Variants in KDM6A observed in about 807,000 individuals in gnomAD.
KDM6A encodes the protein lysine-specific demethylase 6A.
Under a neutral mutation model 117.6 loss-of-function variants are expected in KDM6A, and 11 were observed. The ratio of observed to expected loss-of-function variants is 0.09; its 90% CI spans 0.06 to 0.15. The LOEUF is 0.15. KDM6A is among the 10% of genes least tolerant of loss of function. The pLI is 1.00. For synonymous variants in KDM6A, 384 were observed against 396.1 expected (o/e 0.97, Z 0.36); for missense variants, 799 against 1,077.3 (o/e 0.74, Z 3.62).
At chrX:44,994,474 G>A (rs1267431388) in intron 4 of KDM6A, among the ~76,000 whole-genome samples, 2 of 112,014 alleles carry the variant, frequency 1.8e-5, no homozygotes, top group Non-Finnish European at 3.8e-5. Context: ...ATTTCAAGGT[G>A]TATATATACC....
chrX:44,919,520 A>G (rs1330589558), intron 2 of KDM6A, among the ~76,000 whole-genome samples: 3 of 111,117 alleles, frequency 2.7e-5, no homozygotes, highest in Non-Finnish European at 1.9e-5. Context: ...TAATACATAC[A>G]TTATTTGGGA....
intron 2 of KDM6A, among the ~76,000 whole-genome samples, chrX:44,949,487 T>TAA (rs1556001824): frequency 0.065 from 7,251 of 111,058 alleles, 574 homozygotes; most frequent in African/African-American, 0.22. Flanking sequence ...TTTTTTTTTT[T>TAA]TAAAGCACTT....
intron 2 of KDM6A, among the ~76,000 whole-genome samples, chrX:44,879,742 A>G (rs140202983): frequency 0.015 from 1,691 of 112,302 alleles, 20 homozygotes; most frequent in Middle Eastern, 0.065. Flanking sequence ...GAGAAAGGTA[A>G]ATTTAACAAT....
chrX:45,094,434 C>G (rs2046016915), intron 27 of KDM6A, among the ~76,000 whole-genome samples: 1 of 111,477 alleles, frequency 9.0e-6, no homozygotes, highest in Non-Finnish European at 1.9e-5. Flanking sequence ...AGCTTAAAAC[C>G]AAACTCTTGC....
chrX:44,922,876 T>G (rs2146899437), intron 2 of KDM6A, among the ~76,000 whole-genome samples: 1 of 111,015 alleles, frequency 9.0e-6, no homozygotes, highest in African/African-American at 3.4e-5. Context: ...TTTTATGCCT[T>G]TATGTAGATT....
Position 45,063,487 on chromosome X carries a change from A to C in KDM6A, c.1749A>C (p.Ser583=). The change falls in exon 17 of 30, where the codon TCA becomes TCC. Residue 583 remains serine (S), a synonymous_variant. Transcript: ENST00000611820. Reference sequence around the variant, plus strand: ...TTCCTAATGGGCCAACAGCTGACTCATCACTGCCTACAAACTCAGTCTCTG... The same window carrying C: ...TTCCTAATGGGCCAACAGCTGACTCCTCACTGCCTACAAACTCAGTCTCTG... ...TGIPNGPTAD[S]SLPTNSVSGQ... is the part of the protein sequence containing the mutation. The C allele has an allele frequency of 8.3e-7, 1 of 1,210,066 alleles. No homozygotes were observed. The highest frequency in any genetic ancestry group is 1.1e-6 in the Non-Finnish European group (1 of 894,716).
chrX:45,061,248 C>T (rs2147973069), intron 14 of KDM6A, 76 bp from the exon 15 acceptor site: 1 of 540,528 alleles, frequency 1.9e-6, no homozygotes, highest in South Asian at 2.9e-5. Flanking sequence ...GTCATTTGGC[C>T]TCCTCTAACC....
intron 17 of KDM6A, among the ~76,000 whole-genome samples, chrX:45,066,336 C>T (rs1394553787): frequency 1.8e-5 from 2 of 112,027 alleles, no homozygotes; most frequent in Non-Finnish European, 3.8e-5. Context: ...CTTCCATTTC[C>T]ATATACCGTG....
intron 25 of KDM6A, 128 bp downstream of exon 25, chrX:45,086,107 A>C: frequency 4.2e-6 from 2 of 471,670 alleles, no homozygotes; most frequent in East Asian, 7.7e-5. Context: ...CGAAGAATTC[A>C]TTTTAAATTA....
intron 8 of KDM6A, among the ~76,000 whole-genome samples, chrX:45,045,190 A>G (rs930934853): frequency 1.8e-5 from 2 of 111,293 alleles, no homozygotes; most frequent in Non-Finnish European, 3.8e-5. Context: ...CATCATCTCA[A>G]AGTATCCATT....
chrX:45,055,396 T>C (rs1431482796), intron 10 of KDM6A, among the ~76,000 whole-genome samples: 1 of 110,991 alleles, frequency 9.0e-6, no homozygotes, highest in East Asian at 2.8e-4. Flanking sequence ...TTTAAAAACA[T>C]TTGATTAACT....
intron 5 of KDM6A, among the ~76,000 whole-genome samples, chrX:45,016,453 T>TATGTATG (rs2041964203): frequency 5.1e-5 from 5 of 98,738 alleles, no homozygotes; most frequent in African/African-American, 2.0e-4. Context: ...TGATTTTATT[T>TATGTATG]TATGTATGTA....
intron 4 of KDM6A, among the ~76,000 whole-genome samples, chrX:44,988,344 C>G (rs1306311141): frequency 9.0e-6 from 1 of 110,619 alleles, no homozygotes; most frequent in East Asian, 2.8e-4. Flanking sequence ...ACTTCTTTGC[C>G]AGGGGTTCGA....
intron 4 of KDM6A, among the ~76,000 whole-genome samples, chrX:44,991,339 TTCTC>T (rs1243791803): frequency 9.1e-6 from 1 of 110,052 alleles, no homozygotes; most frequent in African/African-American, 3.3e-5. Flanking sequence ...CTCTCTCTCT[TTCTC>T]TCTTTCTCTT....
At chrX:45,067,666 T>TTC (rs1373317382) in intron 17 of KDM6A, among the ~76,000 whole-genome samples, 13 of 100,801 alleles carry the variant, frequency 1.3e-4, no homozygotes, top group African/African-American at 5.1e-4. Flanking sequence ...TTTTTTTTTT[T>TTC]TTTTGAGATG....
chrX:45,006,858 G>A (rs1159838298), intron 4 of KDM6A, among the ~76,000 whole-genome samples: 10 of 108,458 alleles, frequency 9.2e-5, no homozygotes, highest in African/African-American at 3.4e-4. Context: ...TTGAACCCCG[G>A]AGGTGGAGGT....
chrX:45,011,129 T>G, intron 5 of KDM6A, 110 bp downstream of exon 5: 3 of 565,463 alleles, frequency 5.3e-6, no homozygotes, highest in Non-Finnish European at 8.9e-6. Flanking sequence ...GAAAATTTAG[T>G]GTCATTAAAC....
chrX:44,971,250 A>G (rs1172056209), intron 3 of KDM6A, among the ~76,000 whole-genome samples: 3 of 111,822 alleles, frequency 2.7e-5, no homozygotes, highest in African/African-American at 9.8e-5. Flanking sequence ...GAAATGGGAG[A>G]TGGCTTAAAA....
intron 10 of KDM6A, among the ~76,000 whole-genome samples, chrX:45,058,509 AT>A (rs922516028): frequency 1.8e-5 from 2 of 110,669 alleles, no homozygotes; most frequent in African/African-American, 6.6e-5. Flanking sequence ...TTACATGTGC[AT>A]TTTTTTTATG....
Sources: allele counts gnomAD v4.1 joint callset (sites outside exome capture counted in the v4.1 genomes callset), GRCh38; gene constraint gnomAD v4.1.1; transcripts MANE v1.5; gene names NCBI Gene and HGNC (gene_info 2026-07-23, HGNC 2026-07-21).